Variants in PCBP3 observed in about 807,000 individuals in gnomAD.
PCBP3 encodes the protein poly(rC) binding protein 3.
In PCBP3, 25 loss-of-function variants were observed where a neutral mutation model predicts 52.7. That is an observed-to-expected ratio of 0.47 (90% CI 0.35 to 0.66). The LOEUF (loss-of-function observed/expected upper bound fraction) is 0.66, where lower values mean the gene tolerates loss of function less well. PCBP3 is among the 30% of genes least tolerant of loss of function. The pLI is 0.01. For missense variants in PCBP3, 391 were observed against 490.3 expected, an observed-to-expected ratio of 0.80 and a Z score of 1.91; for synonymous variants, 162 against 183.0, an observed-to-expected ratio of 0.89 and a Z score of 0.93.
intron 4 of PCBP3, chr21:45,762,972 C>T (rs1355672613): frequency 6.6e-6 from 1 of 152,220 alleles, no homozygotes; most frequent in African/African-American, 2.4e-5. Flanking sequence ...ACTTTCATTG[C>T]CTTTTCTTTT....
At chr21:45,728,740 G>A (rs1369631891) in intron 2 of PCBP3, 1 of 152,064 alleles carries the variant, frequency 6.6e-6, no homozygotes, top group African/African-American at 2.4e-5. Flanking sequence ...CTTGAATGCA[G>A]TTTCTTTGGT....
Position 45,817,008 on chromosome 21 carries a change from T to C in PCBP3, c.-125-32953T>C, listed in dbSNP as rs2092985745. On this transcript the variant is annotated intron_variant, in intron 4 of 17. Transcript: ENST00000681687. The surrounding 1 kb of genome is among the most constrained non-coding windows in gnomAD (Gnocchi z 4.3). ...GTGATGGGACTTTTCAGCTCCATTC[T>C]AATTTTAAGGGACGGCTGTGGTATA... 6.6e-6 allele frequency among the ~76,000 whole-genome samples: 1 copy of C among 152,176 alleles called. No homozygotes were observed. Among genetic ancestry groups the C allele is most frequent in the African/African-American group, 2.4e-5 (1 of 41,440 alleles).
rs1038310565 is a variant in PCBP3 at position 45,896,241 on chromosome 21, A to G, written c.44A>G (p.His15Arg). 6.4e-7 allele frequency: 1 copy of G among 1,551,964 alleles called. No individual in the cohort carries two copies. The highest frequency in any genetic ancestry group is 8.7e-7 in the Non-Finnish European group (1 of 1,147,090). ...DAFWAPSVLP[H>R]STLSTLSHHP... The stretch of plus-strand genomic sequence containing the variant: ...TTCTGGGCCCCATCTGTCCTTCCTC[A>G]CAGCACCCTCAGCACCTTAAGCCAC... The change falls in exon 6 of 18, where the codon CAC becomes CGC. Residue 15 changes from histidine to arginine, a missense_variant. Physicochemically the swap from His to Arg is conservative, Grantham distance 29. Transcript: ENST00000681687.
intron 3 of PCBP3, among the ~76,000 whole-genome samples, chr21:45,754,894 A>C (rs1659373752): frequency 6.6e-6 from 1 of 152,128 alleles, no homozygotes; most frequent in Non-Finnish European, 1.5e-5. Context: ...GGTGTTTTAC[A>C]ATTTTACTAT....
At chr21:45,798,083 A>G (rs1208026232) in intron 4 of PCBP3, among the ~76,000 whole-genome samples, 1 of 144,510 alleles carries the variant, frequency 6.9e-6, no homozygotes, top group African/African-American at 2.6e-5. Flanking sequence ...GGATGAATGC[A>G]TGGATCCTTA....
At chr21:45,771,013 A>G (rs1014549514) in intron 4 of PCBP3, among the ~76,000 whole-genome samples, 6 of 152,256 alleles carry the variant, frequency 3.9e-5, no homozygotes, top group Admixed American at 3.9e-4. Flanking sequence ...AAATTTGGGA[A>G]AGATGGAGTG....
At chr21:45,650,712 C>T (rs1379132162) in intron 1 of PCBP3, among the ~76,000 whole-genome samples, 1 of 152,148 alleles carries the variant, frequency 6.6e-6, no homozygotes, top group Non-Finnish European at 1.5e-5. Context: ...ATCTTGGCCT[C>T]CCAAATGTCA....
chr21:45,876,323 C>T lies in PCBP3; in HGVS notation c.11-19885C>T, dbSNP rs533898479. ...AACATTTGTAGGAGGCACACTCTTACGTGGTTCCCAAAGGTGGGACTAAGG... is the reference window on the plus strand; with the variant it reads ...AACATTTGTAGGAGGCACACTCTTATGTGGTTCCCAAAGGTGGGACTAAGG... On this transcript the variant is annotated intron_variant, in intron 5 of 17. Transcript: ENST00000681687. Among the ~76,000 whole-genome samples the T allele has an allele frequency of 1.1e-4, 17 of 152,312 alleles. No homozygotes were observed. In the East Asian group the frequency reaches 2.3e-3, roughly 21 times the overall value.
intron 1 of PCBP3, among the ~76,000 whole-genome samples, chr21:45,665,464 A>G (rs1258489997): frequency 2.0e-5 from 3 of 152,166 alleles, no homozygotes; most frequent in African/African-American, 7.2e-5. Context: ...CCGAAACTCT[A>G]CTGAATTCAT....
At chr21:45,835,377 TGCACG>T (rs1009617552) in intron 4 of PCBP3, among the ~76,000 whole-genome samples, 2 of 152,128 alleles carry the variant, frequency 1.3e-5, no homozygotes, top group African/African-American at 4.8e-5. Context: ...GGTGCTCCTG[TGCACG>T]GGGGTCACAG....
At chr21:45,911,135 T>A in intron 11 of PCBP3, 105 bp downstream of exon 11, 2 of 1,351,022 alleles carry the variant, frequency 1.5e-6, no homozygotes, top group African/African-American at 1.4e-5. Context: ...ACTCACACAG[T>A]TGGGGCTGTG....
intron 15 of PCBP3, among the ~76,000 whole-genome samples, chr21:45,933,904 G>C (rs574177714): frequency 6.6e-6 from 1 of 152,260 alleles, no homozygotes; most frequent in South Asian, 2.1e-4. Flanking sequence ...GGCAGGGACG[G>C]GGGGCAGGGC....
intron 2 of PCBP3, among the ~76,000 whole-genome samples, chr21:45,700,686 A>G (rs1248143616): frequency 6.6e-6 from 1 of 152,136 alleles, no homozygotes; most frequent in Non-Finnish European, 1.5e-5. Context: ...TCCCGATACC[A>G]GGCAGTGAGA....
intron 2 of PCBP3, among the ~76,000 whole-genome samples, chr21:45,675,807 G>A (rs2081428532): frequency 6.6e-6 from 1 of 152,168 alleles, no homozygotes; most frequent in Admixed American, 6.5e-5. Flanking sequence ...TGGTGTAAAA[G>A]CAATGGCAGG....
intron 2 of PCBP3, among the ~76,000 whole-genome samples, chr21:45,710,339 T>G (rs1270881602): frequency 2.0e-5 from 3 of 152,208 alleles, no homozygotes; most frequent in African/African-American, 4.8e-5. Flanking sequence ...TGGTGTGTGA[T>G]GTTCCCCTTC....
intron 2 of PCBP3, among the ~76,000 whole-genome samples, chr21:45,726,481 T>A (rs1223671353): frequency 1.3e-5 from 2 of 152,112 alleles, no homozygotes; most frequent in African/African-American, 4.8e-5. Flanking sequence ...TGGGTGCTCA[T>A]GCCCCAGATC....
At chr21:45,660,148 C>T (rs1018262936) in intron 1 of PCBP3, among the ~76,000 whole-genome samples, 17 of 151,684 alleles carry the variant, frequency 1.1e-4, no homozygotes, top group Admixed American at 9.2e-4. Context: ...TACACACACA[C>T]ATATATATAT....
chr21:45,772,841 A>G (rs1389055882), intron 4 of PCBP3, among the ~76,000 whole-genome samples: 3 of 151,884 alleles, frequency 2.0e-5, no homozygotes, highest in Non-Finnish European at 4.4e-5. Context: ...TATGTTGAAC[A>G]TTTTTTTCAC....
intron 4 of PCBP3, among the ~76,000 whole-genome samples, chr21:45,846,777 G>A (rs2093822823): frequency 6.6e-6 from 1 of 152,242 alleles, no homozygotes; most frequent in African/African-American, 2.4e-5. Context: ...GCTTTGAGGT[G>A]AGGCTGGACC....
Sources: gnomAD v4.1 joint callset for allele counts (sites outside exome capture counted in the v4.1 genomes callset) on GRCh38, gnomAD v4.1.1 for gene constraint, Gnocchi (gnomAD v3.1) non-coding constraint, MANE v1.5 for transcripts, NCBI Gene and HGNC (gene_info 2026-07-23, HGNC 2026-07-21) for gene names.